The following CSMD3 variants were observed in gnomAD, a reference collection of about 807,000 sequenced individuals.
CSMD3 encodes the protein CUB and sushi domain-containing protein 3.
Under a neutral mutation model 435.2 loss-of-function variants are expected in CSMD3, and 177 were observed. The ratio of observed to expected loss-of-function variants is 0.41; its 90% CI spans 0.36 to 0.46. CSMD3 has a LOEUF of 0.46. Among genes scored for constraint, CSMD3 ranks in the 20% least tolerant of loss-of-function variants. The probability of loss-of-function intolerance (pLI) is 0.34; values close to 1 mark genes in which losing one functional copy is unlikely to be tolerated. For missense variants in CSMD3, 4,265 were observed against 4,504.6 expected (o/e 0.95, Z 1.52); for synonymous variants, 1,656 against 1,520.5 (o/e 1.09, Z -2.07).
At chr8:112,403,815 AAACAGTGGCATT>A (rs1641898586) in intron 35 of CSMD3, among the ~76,000 whole-genome samples, 1 of 152,170 alleles carries the variant, frequency 6.6e-6, no homozygotes, top group Admixed American at 6.5e-5. Flanking sequence ...TAGGATTGGC[AAACAGTGGCATT>A]AAGAAAATTA....
chr8:112,957,472 GA>G, intron 7 of CSMD3, among the ~76,000 whole-genome samples: 1 of 152,296 alleles, frequency 6.6e-6, no homozygotes, highest in Admixed American at 6.5e-5. Context: ...TGTTTGTTTT[GA>G]GAATGAGTAT....
intron 11 of CSMD3, among the ~76,000 whole-genome samples, chr8:112,858,056 A>T (rs1235741703): frequency 6.6e-6 from 1 of 151,712 alleles, no homozygotes; most frequent in Non-Finnish European, 1.5e-5. Context: ...GGGCTCTTCT[A>T]TGAGACAAAT....
chr8:112,486,304 C>A (rs1303536472), intron 31 of CSMD3, among the ~76,000 whole-genome samples: 3 of 152,140 alleles, frequency 2.0e-5, no homozygotes, highest in Admixed American at 1.3e-4. Context: ...GCAGAATTAA[C>A]CAGTCTACCT....
At chr8:113,351,229 G>A (rs888465031) in intron 1 of CSMD3, among the ~76,000 whole-genome samples, 23 of 152,106 alleles carry the variant, frequency 1.5e-4, no homozygotes, top group African/African-American at 5.1e-4. Context: ...GCATGTGAAA[G>A]CACTTCATCA....
At chr8:112,920,944 CATATACACATACT>C in intron 10 of CSMD3, among the ~76,000 whole-genome samples, 1 of 146,980 alleles carries the variant, frequency 6.8e-6, no homozygotes, top group African/African-American at 2.5e-5. Context: ...CACACACGCA[CATATACACATACT>C]GGTATTTATA....
intron 5 of CSMD3, among the ~76,000 whole-genome samples, chr8:113,043,443 T>C (rs2087706700): frequency 6.6e-6 from 1 of 152,156 alleles, no homozygotes; most frequent in Non-Finnish European, 1.5e-5. Flanking sequence ...CCAGAAGTTG[T>C]CCAAGCTGTG....
chr8:113,329,724 G>A (rs1459996899), intron 1 of CSMD3, among the ~76,000 whole-genome samples: 1 of 151,982 alleles, frequency 6.6e-6, no homozygotes, highest in African/African-American at 2.4e-5. Context: ...CTTGAAAGCA[G>A]CAAAGAGAAA....
intron 23 of CSMD3, among the ~76,000 whole-genome samples, chr8:112,577,831 T>C (rs1749473926): frequency 6.6e-6 from 1 of 152,110 alleles, no homozygotes; most frequent in Non-Finnish European, 1.5e-5. Flanking sequence ...TTGTGAATGA[T>C]ATGATAAATA....
intron 9 of CSMD3, among the ~76,000 whole-genome samples, chr8:112,924,758 A>C (rs979268911): frequency 3.9e-5 from 6 of 152,064 alleles, no homozygotes; most frequent in African/African-American, 1.4e-4. Flanking sequence ...ATACACTGGG[A>C]AAAGTAGTTT....
chr8:112,723,120 T>C (rs1023374736), intron 13 of CSMD3, among the ~76,000 whole-genome samples: 6 of 151,670 alleles, frequency 4.0e-5, no homozygotes, highest in African/African-American at 1.5e-4. Context: ...AATCTTAAAA[T>C]GTAATAATCA....
chr8:112,575,357 CAG>C (rs1829857241), intron 23 of CSMD3, among the ~76,000 whole-genome samples: 1 of 151,944 alleles, frequency 6.6e-6, no homozygotes, highest in Non-Finnish European at 1.5e-5. Context: ...TTCTTTACAG[CAG>C]AGAGAGAAGG....
chr8:113,436,013 C>T (rs1462739672), intron 1 of CSMD3, among the ~76,000 whole-genome samples: 1 of 152,112 alleles, frequency 6.6e-6, no homozygotes, highest in Non-Finnish European at 1.5e-5. Flanking sequence ...TTCCTCCTAC[C>T]TCATTCATCC....
At chr8:112,343,565 G>T (rs1466797630) in intron 41 of CSMD3, among the ~76,000 whole-genome samples, 1 of 152,064 alleles carries the variant, frequency 6.6e-6, no homozygotes, top group African/African-American at 2.4e-5. Flanking sequence ...TTGTTACCTT[G>T]TTTACCTGGA....
intron 5 of CSMD3, among the ~76,000 whole-genome samples, chr8:113,033,856 T>C (rs772089896): frequency 6.6e-6 from 1 of 151,398 alleles, no homozygotes; most frequent in Non-Finnish European, 1.5e-5. Context: ...GGGAGGTACC[T>C]GGTGGGAGGT....
intron 69 of CSMD3, 124 bp downstream of exon 69, chr8:112,231,421 A>G (rs1488393692): frequency 1.8e-5 from 13 of 735,344 alleles, no homozygotes; most frequent in East Asian, 4.9e-5. Flanking sequence ...GTATCAATGC[A>G]TAGTTCTGGC....
At chr8:112,270,343 A>AGTGTGTGTGTGTGT (rs10577337) in intron 59 of CSMD3, among the ~76,000 whole-genome samples, 13 of 124,232 alleles carry the variant, frequency 1.0e-4, no homozygotes, top group Non-Finnish European at 3.5e-5. Flanking sequence ...CAGAGGGGTG[A>AGTGTGTGTGTGTGT]GTGTGTGTGT....
At position 112,336,676 on chromosome 8, in the gene CSMD3, G is replaced by T. The variant is rs1717178176; in HGVS notation, c.6995C>A (p.Pro2332Gln). The change falls in exon 44 of 71, where the codon CCA becomes CAA. Residue 2332 changes from proline to glutamine, a missense_variant. Pro to Gln is a moderately conservative substitution (Grantham distance 76). This residue lies in a region of CSMD3 where 3,255 missense variants were observed against 3,380.2 expected (regional missense o/e 0.96). Coordinates refer to ENST00000297405, the MANE Select transcript of CSMD3 (RefSeq NM_198123.2). ...YINFTVLQTE[P>Q]IYDFITVWDG... Reference sequence around the variant, plus strand: ...CCATACAGTAATGAAATCATATATTGGTTCTGTTTGAAGGACAGTAAAATT... The same window carrying T: ...CCATACAGTAATGAAATCATATATTTGTTCTGTTTGAAGGACAGTAAAATT... 1.2e-6 allele frequency: 2 copies of T among 1,611,358 alleles called. No individual in the cohort carries two copies. Among genetic ancestry groups the T allele is most frequent in the Non-Finnish European group, 1.7e-6 (2 of 1,177,752 alleles).
intron 3 of CSMD3, among the ~76,000 whole-genome samples, chr8:113,210,757 A>T (rs1310198164): frequency 6.6e-6 from 1 of 151,902 alleles, no homozygotes; most frequent in African/African-American, 2.4e-5. Flanking sequence ...GGGACCTGTA[A>T]TCCCAGTTAC....
intron 9 of CSMD3, among the ~76,000 whole-genome samples, chr8:112,936,655 C>T (rs947826777): frequency 6.6e-6 from 1 of 151,984 alleles, no homozygotes; most frequent in Non-Finnish European, 1.5e-5. Context: ...ATTCAATGAT[C>T]TCACTTTTAT....
Sources: allele counts gnomAD v4.1 joint callset (sites outside exome capture counted in the v4.1 genomes callset), GRCh38; gene constraint gnomAD v4.1.1; regional missense constraint gnomAD v4.1.1; transcripts MANE v1.5; gene names NCBI Gene and HGNC (gene_info 2026-07-23, HGNC 2026-07-21).